The following VAV2 variants were observed in gnomAD, a reference collection of about 807,000 sequenced individuals.
The protein encoded by VAV2 is guanine nucleotide exchange factor VAV2.
In VAV2, 67 loss-of-function variants were observed where a neutral mutation model predicts 132.5. The observed-to-expected ratio is 0.51, with a 90% confidence interval of 0.42 to 0.62. The LOEUF (loss-of-function observed/expected upper bound fraction) is 0.62. VAV2 is among the 20% of genes least tolerant of loss of function. The pLI is 0.00. For missense variants in VAV2, 938 were observed against 1,153.6 expected (o/e 0.81, Z 2.71); for synonymous variants, 492 against 443.5 (o/e 1.11, Z -1.37).
At chr9:133,927,574 C>T (rs547779730) in intron 2 of VAV2, among the ~76,000 whole-genome samples, 1 of 152,290 alleles carries the variant, frequency 6.6e-6, no homozygotes, top group African/African-American at 2.4e-5. Flanking sequence ...TGGCCACACA[C>T]CCACACCCAG....
chr9:133,904,196 C>G (rs927977547), intron 2 of VAV2, among the ~76,000 whole-genome samples: 2 of 152,196 alleles, frequency 1.3e-5, no homozygotes, highest in Non-Finnish European at 2.9e-5. Context: ...CAGGCTCTCC[C>G]CCAGAGCTCC....
At chr9:133,953,155 C>T (rs980888224) in intron 1 of VAV2, among the ~76,000 whole-genome samples, 7 of 152,134 alleles carry the variant, frequency 4.6e-5, no homozygotes, top group Admixed American at 4.6e-4. Context: ...ACACCTAGAG[C>T]TTCCAGAGGG....
intron 16 of VAV2, chr9:133,786,094 T>A (rs1012368365): frequency 2.0e-5 from 12 of 606,454 alleles, no homozygotes; most frequent in African/African-American, 3.6e-5. Flanking sequence ...TATGCATGCA[T>A]GTATAGCTGT....
intron 2 of VAV2, among the ~76,000 whole-genome samples, chr9:133,889,000 C>T (rs577269310): frequency 5.3e-5 from 8 of 152,282 alleles, no homozygotes; most frequent in East Asian, 1.9e-4. Context: ...GCAGGGACAC[C>T]GCGTCCCCGT....
At chr9:133,887,198 A>T (rs1037648406) in intron 2 of VAV2, among the ~76,000 whole-genome samples, 5 of 152,162 alleles carry the variant, frequency 3.3e-5, no homozygotes, top group Admixed American at 1.3e-4. Flanking sequence ...CTTCACCTCC[A>T]CAGCCCTCAG....
intron 3 of VAV2, among the ~76,000 whole-genome samples, chr9:133,852,306 A>G (rs1837220067): frequency 2.0e-5 from 3 of 151,144 alleles, no homozygotes; most frequent in Admixed American, 2.0e-4. Context: ...AGATGGGTAG[A>G]TATATACGTG....
chr9:133,762,946 C>T lies in VAV2; in HGVS notation c.*1116G>A, dbSNP rs1833308763. The T allele has an allele frequency of 6.5e-6, 1 of 152,694 alleles. No homozygotes were observed. Among genetic ancestry groups the T allele is most frequent in the Admixed American group, 6.5e-5 (1 of 15,292 alleles). The allele number at this position is 152,694 out of a possible 1,614,324, so 9.5% of individuals were successfully genotyped here. A position where few individuals can be genotyped will look rare whatever the true frequency, so the allele number is the denominator to read the frequency against. On this transcript the variant is annotated 3_prime_UTR_variant, in exon 30 of 30. Coordinates refer to ENST00000371850, the MANE Select transcript of VAV2 (RefSeq NM_001134398.2). The surrounding 1 kb of genome is among the most constrained non-coding windows in gnomAD (Gnocchi z 5.0). ...CTCATGCAACATCAGGGTAGAGAAACCAGGGTCTGGCTAACCCAGCCAGAA... is the reference window on the plus strand; with the variant it reads ...CTCATGCAACATCAGGGTAGAGAAATCAGGGTCTGGCTAACCCAGCCAGAA...
chr9:133,958,508 A>G (rs1172953359), intron 1 of VAV2, among the ~76,000 whole-genome samples: 2 of 150,768 alleles, frequency 1.3e-5, no homozygotes, highest in African/African-American at 4.9e-5. Context: ...CCCTCTCCCC[A>G]CTATTGTCTT....
chr9:133,907,190 C>A (rs1256215461), intron 2 of VAV2, among the ~76,000 whole-genome samples: 1 of 152,246 alleles, frequency 6.6e-6, no homozygotes, highest in Admixed American at 6.5e-5. Context: ...GCTGGGCACA[C>A]AGACACATGC....
intron 2 of VAV2, among the ~76,000 whole-genome samples, chr9:133,906,539 G>A (rs961339585): frequency 6.6e-6 from 1 of 152,174 alleles, no homozygotes; most frequent in Non-Finnish European, 1.5e-5. Context: ...GAGCCACTGG[G>A]CCCGATCAGC....
intron 1 of VAV2, among the ~76,000 whole-genome samples, chr9:133,963,024 T>C (rs2033602762): frequency 6.6e-6 from 1 of 152,234 alleles, no homozygotes; most frequent in East Asian, 1.9e-4. Flanking sequence ...GGTACAGCTT[T>C]ATTAACAGTC....
chr9:133,915,751 C>A (rs2789832), intron 2 of VAV2, among the ~76,000 whole-genome samples: 116,323 of 144,750 alleles, frequency 0.8, 49,303 homozygotes, highest in East Asian at 0.96. Flanking sequence ...CATACACACA[C>A]GATGCACACA....
intron 17 of VAV2, 119 bp from the exon 18 acceptor site, chr9:133,784,537 T>C: frequency 9.2e-7 from 1 of 1,091,388 alleles, no homozygotes. Flanking sequence ...CGAGAGGGCC[T>C]GGACTCCAAG....
intron 2 of VAV2, among the ~76,000 whole-genome samples, chr9:133,893,723 C>T (rs1020618322): frequency 2.6e-5 from 4 of 152,298 alleles, no homozygotes; most frequent in African/African-American, 2.4e-5. Context: ...GCCTGAACCT[C>T]GGAGGGTGGC....
intron 2 of VAV2, among the ~76,000 whole-genome samples, chr9:133,899,113 G>A (rs1483489816): frequency 4.0e-5 from 6 of 149,786 alleles, no homozygotes; most frequent in East Asian, 2.2e-4. Flanking sequence ...GAGCCACCGC[G>A]CCAGGCCCAG....
At chr9:133,963,452 G>C (rs966731470) in intron 1 of VAV2, among the ~76,000 whole-genome samples, 6 of 152,176 alleles carry the variant, frequency 3.9e-5, no homozygotes, top group Non-Finnish European at 8.8e-5. Context: ...TGTCAACAGA[G>C]AGCCTGCACG....
intron 2 of VAV2, among the ~76,000 whole-genome samples, chr9:133,910,137 T>G (rs1839826554): frequency 6.6e-6 from 1 of 152,132 alleles, no homozygotes; most frequent in South Asian, 2.1e-4. Context: ...TTGCCTAGAA[T>G]GAAGAAGTGA....
At chr9:133,968,989 T>C (rs532316145) in intron 1 of VAV2, among the ~76,000 whole-genome samples, 11 of 152,110 alleles carry the variant, frequency 7.2e-5, no homozygotes, top group African/African-American at 2.7e-4. Context: ...TGCCCTTTTC[T>C]AAGAAAAACC....
At chr9:133,855,524 AG>A (rs1208242287) in intron 3 of VAV2, among the ~76,000 whole-genome samples, 2 of 152,164 alleles carry the variant, frequency 1.3e-5, no homozygotes, top group Non-Finnish European at 2.9e-5. Context: ...ACTCAGCAAG[AG>A]GCTGTCTCTG....
Sources: gnomAD v4.1 joint callset for allele counts (sites outside exome capture counted in the v4.1 genomes callset) on GRCh38, gnomAD v4.1.1 for gene constraint, Gnocchi (gnomAD v3.1) non-coding constraint, MANE v1.5 for transcripts, NCBI Gene and HGNC (gene_info 2026-07-23, HGNC 2026-07-21) for gene names.